NEBL: variants seen among roughly 807,000 people sequenced by gnomAD.
The protein encoded by NEBL is LIM and SH3 protein 2.
A neutral mutation model predicts 140.2 loss-of-function variants in NEBL; 122 were observed. The ratio of observed to expected loss-of-function variants is 0.87; its 90% CI spans 0.75 to 1.01. The LOEUF is 1.01. Among genes scored for constraint, NEBL ranks in the 50% least tolerant of loss-of-function variants. The probability of loss-of-function intolerance (pLI) is 0.00; values close to 1 mark genes in which losing one functional copy is unlikely to be tolerated. For missense variants in NEBL, 1,365 were observed against 1,231.3 expected (o/e 1.11, Z -1.62); for synonymous variants, 436 against 398.9 (o/e 1.09, Z -1.11).
intron 2 of NEBL, among the ~76,000 whole-genome samples, chr10:21,130,274 A>G (rs1373152778): frequency 6.6e-6 from 1 of 152,092 alleles, no homozygotes; most frequent in African/African-American, 2.4e-5. Flanking sequence ...TAAAACTGCA[A>G]GCAGAAGCAG....
At chr10:21,183,709 T>C (rs7071563) in intron 3 of NEBL, among the ~76,000 whole-genome samples, 2,622 of 152,272 alleles carry the variant, frequency 0.017, 48 homozygotes, top group South Asian at 0.059. Context: ...GAGGCCCCAC[T>C]TGCAGGCCGG....
Position 20,897,200 on chromosome 10 carries a change from C to T in NEBL, c.6G>A (p.Arg2=). The T allele has an allele frequency of 1.3e-6, 2 of 1,587,726 alleles. No homozygotes were observed. Among genetic ancestry groups the T allele is most frequent in the Non-Finnish European group, 8.6e-7 (1 of 1,163,584 alleles). Residue 2 remains arginine, a synonymous_variant, in exon 1 of 28, where the codon AGG becomes AGA. Coordinates refer to ENST00000377122, the MANE Select transcript of NEBL (RefSeq NM_006393.3). The part of the protein sequence containing the change: M[R]VPVFEDIKDE... ...CTTTTATATCCTCAAATACAGGGAC[C>T]CTCATTTTTACCCTTTAAAATATTT...
At chr10:21,193,676 A>G (rs934645801) in intron 3 of NEBL, among the ~76,000 whole-genome samples, 1 of 152,212 alleles carries the variant, frequency 6.6e-6, no homozygotes, top group African/African-American at 2.4e-5. Flanking sequence ...GATAATAATT[A>G]TAGCTGATAT....
chr10:21,165,659 G>A (rs1405790830), intron 2 of NEBL, among the ~76,000 whole-genome samples: 1 of 152,186 alleles, frequency 6.6e-6, no homozygotes, highest in East Asian at 1.9e-4. Flanking sequence ...GGGGGCATAT[G>A]CAGATACATG....
intron 3 of NEBL, among the ~76,000 whole-genome samples, chr10:21,006,179 C>T (rs557898136): frequency 2.8e-4 from 42 of 152,302 alleles, no homozygotes; most frequent in African/African-American, 1.0e-3. Flanking sequence ...ACTCACTATT[C>T]TCTTGCAGAT....
chr10:20,841,993 TCTTA>T (rs1379558183), intron 12 of NEBL, among the ~76,000 whole-genome samples: 8 of 152,170 alleles, frequency 5.3e-5, no homozygotes, highest in South Asian at 2.1e-4. Context: ...TTGCTTGTTT[TCTTA>T]CTTAATTGCG....
chr10:20,931,215 T>A (rs1453252951), intron 4 of NEBL, among the ~76,000 whole-genome samples: 1 of 152,212 alleles, frequency 6.6e-6, no homozygotes, highest in African/African-American at 2.4e-5. Flanking sequence ...GCACCATAAT[T>A]CTCAATCCTT....
chr10:20,951,217 G>T (rs1044684771), intron 4 of NEBL, among the ~76,000 whole-genome samples: 4 of 152,050 alleles, frequency 2.6e-5, no homozygotes, highest in African/African-American at 7.2e-5. Context: ...CTTGTCCTTG[G>T]AACCAAATAG....
At chr10:21,117,753 C>T (rs1427304575) in intron 2 of NEBL, among the ~76,000 whole-genome samples, 1 of 152,076 alleles carries the variant, frequency 6.6e-6, no homozygotes, top group East Asian at 1.9e-4. Flanking sequence ...TCTTTTTCGG[C>T]TGTTCTCTCA....
At chr10:20,983,924 T>C (rs919409368) in intron 3 of NEBL, among the ~76,000 whole-genome samples, 1 of 152,230 alleles carries the variant, frequency 6.6e-6, no homozygotes, top group Non-Finnish European at 1.5e-5. Context: ...AATTCTTTTA[T>C]AGCAATTACT....
intron 18 of NEBL, among the ~76,000 whole-genome samples, chr10:20,825,839 G>A (rs1002913390): frequency 6.6e-5 from 10 of 152,124 alleles, no homozygotes; most frequent in African/African-American, 2.4e-4. Context: ...CCTCCCCCCA[G>A]TCTAAAGGTT....
intron 3 of NEBL, among the ~76,000 whole-genome samples, chr10:21,199,781 A>C (rs1841705144): frequency 1.3e-5 from 2 of 152,204 alleles, no homozygotes; most frequent in Non-Finnish European, 2.9e-5. Flanking sequence ...CCCCAAGATG[A>C]GGCTCTCACA....
chr10:20,923,791 T>C (rs915732951), intron 4 of NEBL, among the ~76,000 whole-genome samples: 7 of 150,898 alleles, frequency 4.6e-5, no homozygotes, highest in Non-Finnish European at 8.8e-5. Flanking sequence ...TTTGCATGAG[T>C]ACTGGCTCCA....
chr10:21,028,904 A>G, intron 2 of NEBL: 2 of 441,710 alleles, frequency 4.5e-6, no homozygotes, highest in Non-Finnish European at 8.0e-6. Context: ...TAAAAGATTG[A>G]TATTGTCATA....
At chr10:21,156,669 T>C (rs1429019273) in intron 2 of NEBL, among the ~76,000 whole-genome samples, 2 of 152,048 alleles carry the variant, frequency 1.3e-5, no homozygotes, top group Non-Finnish European at 2.9e-5. Context: ...TCACTCACTC[T>C]TGAAATACAG....
intron 3 of NEBL, among the ~76,000 whole-genome samples, chr10:21,243,222 G>A (rs1011610393): frequency 2.0e-5 from 3 of 151,852 alleles, no homozygotes; most frequent in Non-Finnish European, 4.4e-5. Context: ...AGACCTTTGC[G>A]GACATCTTGT....
At chr10:21,182,929 C>G (rs1419756988) in intron 3 of NEBL, among the ~76,000 whole-genome samples, 1 of 152,176 alleles carries the variant, frequency 6.6e-6, no homozygotes, top group African/African-American at 2.4e-5. Context: ...TAGCGCCTCT[C>G]AAATTGGACT....
chr10:21,035,332 C>T (rs926330344), intron 2 of NEBL, among the ~76,000 whole-genome samples: 8 of 144,400 alleles, frequency 5.5e-5, no homozygotes, highest in Non-Finnish European at 9.1e-5. Context: ...TCCTTCCCCC[C>T]GCCCCCCAAA....
rs1296178697 is a variant in NEBL at position 20,785,028 on chromosome 10, T to C, written c.*719A>G. 1 of 152,880 alleles carries C rather than the reference T, an allele frequency of 6.5e-6. No individual in the cohort carries two copies. Among genetic ancestry groups the C allele is most frequent in the African/African-American group, 2.4e-5 (1 of 41,456 alleles). 9.5% of individuals were successfully genotyped at this position (152,880 alleles called of 1,614,324 possible). A position where few individuals can be genotyped will look rare whatever the true frequency, so the allele number is the denominator to read the frequency against. ...AAATTATATCAATGACATTATAATT[T>C]GCCCTTTGCAGAGTAGCTGTGAAGT... On this transcript the variant is annotated 3_prime_UTR_variant, in exon 28 of 28. Transcript: ENST00000377122.
Sources: allele counts gnomAD v4.1 joint callset (sites outside exome capture counted in the v4.1 genomes callset), GRCh38; gene constraint gnomAD v4.1.1; transcripts MANE v1.5; gene names NCBI Gene and HGNC (gene_info 2026-07-23, HGNC 2026-07-21).